The following FBXO21 variants were observed in gnomAD, a reference collection of about 807,000 sequenced individuals.
The protein encoded by FBXO21 is F-box only protein 21.
FBXO21 carries 32 observed loss-of-function variants against 76.6 expected under a neutral mutation model. That is an observed-to-expected ratio of 0.42 (90% confidence interval 0.32 to 0.56). FBXO21 has a LOEUF of 0.56. Among genes scored for constraint, FBXO21 ranks in the 20% least tolerant of loss-of-function variants. The probability of loss-of-function intolerance (pLI) is 0.16; values close to 1 mark genes in which losing one functional copy is unlikely to be tolerated. For synonymous variants in FBXO21, 328 were observed against 311.5 expected, an observed-to-expected ratio of 1.05 and a Z score of -0.56; for missense variants, 586 against 797.3, an observed-to-expected ratio of 0.73 and a Z score of 3.19.
chr12:117,155,988 G>C, intron 10 of FBXO21, 40 bp from the exon 11 acceptor site: 1 of 1,599,068 alleles, frequency 6.3e-7, no homozygotes, highest in Non-Finnish European at 8.6e-7. Flanking sequence ...CTGCAGACCC[G>C]GCCGCAACAA....
Position 117,155,738 on chromosome 12 carries a change from G to A in FBXO21, c.1675+53C>T, listed in dbSNP as rs942219573. On this transcript the variant is annotated intron_variant, in intron 11 of 11. Transcript: ENST00000622495. ...AGTACCTACCCGAGGGCTCAAACGTGCGCTGAAAACACGCCCGCGGGGCCA... is the reference window on the plus strand; with the variant it reads ...AGTACCTACCCGAGGGCTCAAACGTACGCTGAAAACACGCCCGCGGGGCCA... 3.2e-6 allele frequency: 5 copies of A among 1,562,414 alleles called. No individual in the cohort carries two copies. The African/African-American group carries it at 6.7e-5, about 21-fold the overall frequency.
chr12:117,169,406 C>T (rs1263443689), intron 7 of FBXO21, among the ~76,000 whole-genome samples: 1 of 151,994 alleles, frequency 6.6e-6, no homozygotes, highest in Non-Finnish European at 1.5e-5. Flanking sequence ...CAACAAACCC[C>T]CATAACACAA....
intron 9 of FBXO21, among the ~76,000 whole-genome samples, chr12:117,164,092 T>C (rs962234656): frequency 7.8e-6 from 1 of 127,718 alleles, no homozygotes; most frequent in African/African-American, 3.0e-5. Context: ...AAACTCAGTT[T>C]CTATTTAAAA....
chr12:117,180,344 G>A (rs1320434651), intron 3 of FBXO21, among the ~76,000 whole-genome samples: 6 of 152,162 alleles, frequency 3.9e-5, no homozygotes, highest in Non-Finnish European at 4.4e-5. Context: ...TGATGTGCAC[G>A]TGTGTGTACA....
chr12:117,181,129 T>C (rs1483623818), intron 3 of FBXO21, among the ~76,000 whole-genome samples: 1 of 152,176 alleles, frequency 6.6e-6, no homozygotes, highest in Non-Finnish European at 1.5e-5. Context: ...TGTTTCTCTG[T>C]TTTGTTTTTT....
At chr12:117,155,763 A>G in intron 11 of FBXO21, 28 bp downstream of exon 11, 1 of 1,601,262 alleles carries the variant, frequency 6.2e-7, no homozygotes, top group Non-Finnish European at 8.5e-7. Context: ...CCGCGGGGCC[A>G]CTGGCACAAG....
At chr12:117,180,078 T>C (rs900271750) in intron 3 of FBXO21, among the ~76,000 whole-genome samples, 1 of 152,216 alleles carries the variant, frequency 6.6e-6, no homozygotes, top group Non-Finnish European at 1.5e-5. Context: ...CCTCTTCATA[T>C]TGGTTCCTCA....
At chr12:117,155,688 G>A in intron 11 of FBXO21, 103 bp downstream of exon 11, 2 of 1,334,890 alleles carry the variant, frequency 1.5e-6, no homozygotes, top group Non-Finnish European at 2.0e-6. Flanking sequence ...GGCCGCCTCT[G>A]AAGGAACCGA....
intron 4 of FBXO21, among the ~76,000 whole-genome samples, chr12:117,177,010 A>G (rs147416475): frequency 3.1e-4 from 47 of 152,342 alleles, no homozygotes; most frequent in African/African-American, 1.0e-3. Flanking sequence ...GTTCAACTTA[A>G]TAAGAACAAA....
At chr12:117,174,907 G>A in intron 4 of FBXO21, 110 bp from the exon 5 acceptor site, 2 of 1,109,552 alleles carry the variant, frequency 1.8e-6, no homozygotes, top group Non-Finnish European at 2.5e-6. Flanking sequence ...CATCCCACTG[G>A]ACAAGCTTCA....
At chr12:117,164,425 C>T (rs533303965) in intron 9 of FBXO21, among the ~76,000 whole-genome samples, 2 of 152,038 alleles carry the variant, frequency 1.3e-5, no homozygotes, top group East Asian at 3.9e-4. Context: ...TACAGGTTCC[C>T]ACCACCACGC....
intron 9 of FBXO21, among the ~76,000 whole-genome samples, chr12:117,160,470 G>A (rs1487874053): frequency 1.3e-5 from 2 of 152,174 alleles, no homozygotes; most frequent in East Asian, 3.9e-4. Flanking sequence ...GATGGCTTCA[G>A]GTCAGGATGA....
At chr12:117,182,004 G>A (rs528509889) in intron 3 of FBXO21, among the ~76,000 whole-genome samples, 3 of 151,664 alleles carry the variant, frequency 2.0e-5, no homozygotes, top group African/African-American at 4.9e-5. Flanking sequence ...GGACATACTC[G>A]TTTTTAAGAC....
chr12:117,181,411 T>G (rs2135882545), intron 3 of FBXO21, among the ~76,000 whole-genome samples: 1 of 152,328 alleles, frequency 6.6e-6, no homozygotes, highest in South Asian at 2.1e-4. Flanking sequence ...ACTTTACCTT[T>G]TTTGCTTGGA....
chr12:117,165,666 A>G, intron 8 of FBXO21, 49 bp from the exon 9 acceptor site: 1 of 1,513,380 alleles, frequency 6.6e-7, no homozygotes, highest in Non-Finnish European at 8.9e-7. Flanking sequence ...TTTTTTCAGC[A>G]AAGACTCTCT....
intron 4 of FBXO21, among the ~76,000 whole-genome samples, chr12:117,177,271 T>C (rs1450583253): frequency 6.6e-6 from 1 of 152,252 alleles, no homozygotes; most frequent in Admixed American, 6.5e-5. Flanking sequence ...CTCTCACATT[T>C]TAAGCCAATG....
chr12:117,150,871 C>CTGTGTGTGTGTGTGTGTGTGTGTGTG lies in FBXO21; in HGVS notation c.1676-4620_1676-4595dup, dbSNP rs372253197. On this transcript the variant is annotated intron_variant, in intron 11 of 11. Coordinates refer to ENST00000622495, the MANE Select transcript of FBXO21 (RefSeq NM_015002.3). ...GCCAGCAGGTACAGCTGGCCATGGA[C>CTGTGTGTGTGTGTGTGTGTGTGTGTG]TGTGTGTGTGTGTGTGTGTGTGTGT... 2.6e-3 allele frequency among the ~76,000 whole-genome samples: 332 copies of CTGTGTGTGTGTGTGTGTGTGTGTGTG among 127,696 alleles called. 5 individuals carry two copies. Among genetic ancestry groups the CTGTGTGTGTGTGTGTGTGTGTGTGTG allele is most frequent in the Admixed American group, 4.7e-3 (57 of 12,048 alleles). 83.8% of individuals were successfully genotyped at this position (127,696 alleles called of 152,430 possible). A position where few individuals can be genotyped will look rare whatever the true frequency, so the allele number is the denominator to read the frequency against.
chr12:117,172,669 A>G, intron 6 of FBXO21, 62 bp from the exon 7 acceptor site: 1 of 1,544,724 alleles, frequency 6.5e-7, no homozygotes, highest in Non-Finnish European at 8.9e-7. Context: ...TTCTTTCAAT[A>G]AACATTCTCA....
chr12:117,165,567 T>C lies in FBXO21; in HGVS notation c.1244A>G (p.Tyr415Cys). 1.2e-6 allele frequency: 2 copies of C among 1,613,994 alleles called. No homozygotes were observed. Among genetic ancestry groups the C allele is most frequent in the Non-Finnish European group, 1.7e-6 (2 of 1,179,876 alleles). Residue 415 changes from tyrosine to cysteine, a missense_variant, in exon 9 of 12, where the codon TAT (tyrosine) becomes TGT (cysteine). This residue lies in a region of FBXO21 where 14 missense variants were observed against 18.3 expected (regional missense o/e 0.76). Transcript: ENST00000622495. ...YQLLRDSLDL[Y>C]LAMYPDQVQL... ...CACCTGGTCCGGGTACATTGCCAGA[T>C]AGAGATCCAGCGAGTCTCTCAGGAG...
Sources: allele counts gnomAD v4.1 joint callset (sites outside exome capture counted in the v4.1 genomes callset), GRCh38; gene constraint gnomAD v4.1.1; regional missense constraint gnomAD v4.1.1; transcripts MANE v1.5; gene names NCBI Gene and HGNC (gene_info 2026-07-23, HGNC 2026-07-21).